The following AGBL1 variants were observed in gnomAD, a reference collection of about 807,000 sequenced individuals.
AGBL1 encodes the protein cytosolic carboxypeptidase 4.
AGBL1 carries 130 observed loss-of-function variants against 118.9 expected under a neutral mutation model. That is an observed-to-expected ratio of 1.09 (90% CI 0.95 to 1.26). The LOEUF (loss-of-function observed/expected upper bound fraction) is 1.26. AGBL1 is among the 50% of genes most tolerant of loss of function. The pLI is 0.00. For missense variants in AGBL1, 1,584 were observed against 1,298.1 expected (o/e 1.22, Z -3.38); for synonymous variants, 555 against 478.9 (o/e 1.16, Z -2.08).
At chr15:86,625,266 G>C (rs16977876) in intron 21 of AGBL1, among the ~76,000 whole-genome samples, 3,855 of 151,128 alleles carry the variant, frequency 0.026, 150 homozygotes, top group African/African-American at 0.082. Flanking sequence ...TTCAACTTCT[G>C]AACATTAATG....
intron 21 of AGBL1, among the ~76,000 whole-genome samples, chr15:86,588,089 C>T (rs970855572): frequency 2.0e-5 from 3 of 152,086 alleles, no homozygotes; most frequent in Non-Finnish European, 4.4e-5. Flanking sequence ...ATAAGTAATG[C>T]TTATGTTTAA....
chr15:86,675,799 C>T (rs1474848027), intron 22 of AGBL1, among the ~76,000 whole-genome samples: 1 of 152,156 alleles, frequency 6.6e-6, no homozygotes, highest in Middle Eastern at 3.2e-3. Flanking sequence ...CCTCTCTCCT[C>T]TGCTGCTCAT....
intron 1 of AGBL1, chr15:86,109,943 C>T (rs758567935): frequency 7.9e-5 from 12 of 152,174 alleles, no homozygotes; most frequent in East Asian, 1.9e-4. Flanking sequence ...AAATAAATTC[C>T]GCTAAACCCA....
intron 22 of AGBL1, among the ~76,000 whole-genome samples, chr15:86,728,349 A>C (rs1325878568): frequency 6.6e-6 from 1 of 152,188 alleles, no homozygotes; most frequent in Non-Finnish European, 1.5e-5. Context: ...TTCCATTTGC[A>C]TGAGGCACTG....
intron 5 of AGBL1, among the ~76,000 whole-genome samples, chr15:86,181,171 A>T (rs1482810324): frequency 2.0e-5 from 3 of 152,086 alleles, no homozygotes; most frequent in Non-Finnish European, 2.9e-5. Context: ...GTATTCATTT[A>T]CACAATAGAA....
intron 1 of AGBL1, among the ~76,000 whole-genome samples, chr15:86,138,751 A>G (rs1057307387): frequency 5.9e-5 from 9 of 152,118 alleles, no homozygotes; most frequent in African/African-American, 1.7e-4. Flanking sequence ...TTTATAATCA[A>G]CTAATGACTT....
Position 86,419,251 on chromosome 15 carries a change from C to T in AGBL1, c.2555+21705C>T, listed in dbSNP as rs75368772. Among the ~76,000 whole-genome samples, 1,462 of 152,014 alleles carry T rather than the reference C, an allele frequency of 9.6e-3. 11 individuals carry two copies. The highest frequency in any genetic ancestry group is 0.015 in the Non-Finnish European group (994 of 67,972). Reference sequence around the variant, plus strand: ...GGCAAGTGATTTCTGCATTTCCAACCGAGGTACCTAGCTCATCTTCATCTC... The same window carrying T: ...GGCAAGTGATTTCTGCATTTCCAACTGAGGTACCTAGCTCATCTTCATCTC... On this transcript the variant is annotated intron_variant, in intron 18 of 22. Transcript: ENST00000614907.
intron 18 of AGBL1, among the ~76,000 whole-genome samples, chr15:86,445,984 A>G (rs753652669): frequency 6.6e-6 from 1 of 152,182 alleles, no homozygotes; most frequent in South Asian, 2.1e-4. Context: ...CTTCCTCAGA[A>G]CACTTGAGAT....
chr15:86,446,329 C>G (rs1027540496), intron 18 of AGBL1, among the ~76,000 whole-genome samples: 1 of 152,342 alleles, frequency 6.6e-6, no homozygotes, highest in African/African-American at 2.4e-5. Context: ...TTTTCCCTCT[C>G]CAGACGCACT....
chr15:86,286,520 G>A (rs1032062097), intron 16 of AGBL1, among the ~76,000 whole-genome samples: 1 of 151,744 alleles, frequency 6.6e-6, no homozygotes, highest in Non-Finnish European at 1.5e-5. Flanking sequence ...CTGTTTCTAT[G>A]AGTTTGACTT....
chr15:86,224,239 G>A (rs1371988644), intron 5 of AGBL1, among the ~76,000 whole-genome samples: 1 of 152,134 alleles, frequency 6.6e-6, no homozygotes, highest in Non-Finnish European at 1.5e-5. Context: ...AGATTTTTGT[G>A]TGACCTTCTC....
chr15:86,322,696 T>G (rs1323949287), intron 17 of AGBL1, among the ~76,000 whole-genome samples: 1 of 152,216 alleles, frequency 6.6e-6, no homozygotes, highest in Non-Finnish European at 1.5e-5. Context: ...GAATTTCTTC[T>G]GCTAGTCACC....
rs2080303663 is a variant in AGBL1, at chr15:86,908,010, C to A, written c.*716C>A. ...AACATAATGCTAGGAAGTACCAGAC[C>A]TACTGGAAAATTTATTCATTTCAGA... On this transcript the variant is annotated 3_prime_UTR_variant, in exon 23 of 23. Transcript: ENST00000614907. 6.6e-6 allele frequency: 1 copy of A among 152,132 alleles called. No homozygotes were observed. Among genetic ancestry groups the A allele is most frequent in the South Asian group, 2.1e-4 (1 of 4,828 alleles). The allele number at this position is 152,132 out of a possible 1,614,324, so 9.4% of individuals were successfully genotyped here. A position where few individuals can be genotyped will look rare whatever the true frequency, so the allele number is the denominator to read the frequency against.
intron 18 of AGBL1, among the ~76,000 whole-genome samples, chr15:86,407,310 G>A (rs1831550740): frequency 6.6e-6 from 1 of 152,174 alleles, no homozygotes; most frequent in Admixed American, 6.6e-5. Context: ...TTCAGAGTCA[G>A]AAATTAAACT....
intron 17 of AGBL1, among the ~76,000 whole-genome samples, chr15:86,395,229 A>G (rs1444243880): frequency 2.6e-5 from 4 of 152,064 alleles, no homozygotes; most frequent in Non-Finnish European, 4.4e-5. Context: ...TTTATGTTCC[A>G]TCATCTCTAG....
At chr15:86,465,615 C>T (rs924382082) in intron 18 of AGBL1, among the ~76,000 whole-genome samples, 14 of 152,112 alleles carry the variant, frequency 9.2e-5, no homozygotes, top group South Asian at 6.2e-4. Flanking sequence ...CTAAACTGGC[C>T]GCTCTGGATG....
chr15:86,428,537 T>C (rs1258044057), intron 18 of AGBL1, among the ~76,000 whole-genome samples: 1 of 152,208 alleles, frequency 6.6e-6, no homozygotes, highest in Non-Finnish European at 1.5e-5. Flanking sequence ...CAGTAAAAGA[T>C]ATGCATTGTG....
chr15:86,524,108 G>A (rs1009923316), intron 19 of AGBL1, among the ~76,000 whole-genome samples: 4 of 152,320 alleles, frequency 2.6e-5, no homozygotes, highest in African/African-American at 7.2e-5. Context: ...AATATATAAT[G>A]TAGAATCTTA....
At chr15:86,279,462 A>G (rs2079311525) in intron 15 of AGBL1, among the ~76,000 whole-genome samples, 177 bp from the exon 16 acceptor site, 1 of 152,196 alleles carries the variant, frequency 6.6e-6, no homozygotes. Flanking sequence ...ACTGGCAGTA[A>G]GTTTACTTGT....
Sources: allele counts gnomAD v4.1 joint callset (sites outside exome capture counted in the v4.1 genomes callset), GRCh38; gene constraint gnomAD v4.1.1; transcripts MANE v1.5; gene names NCBI Gene and HGNC (gene_info 2026-07-23, HGNC 2026-07-21).